Variants in NT5DC3 observed in about 807,000 individuals in gnomAD.
NT5DC3 encodes the protein 5'-nucleotidase domain containing 3.
Under a neutral mutation model 67.8 loss-of-function variants are expected in NT5DC3, and 42 were observed. That is an observed-to-expected ratio of 0.62 (90% CI 0.48 to 0.80). The LOEUF is 0.80. Among genes scored for constraint, NT5DC3 ranks in the 30% least tolerant of loss-of-function variants. NT5DC3 has a pLI of 0.00. For missense variants in NT5DC3, 570 were observed against 696.4 expected, an observed-to-expected ratio of 0.82 and a Z score of 2.04; for synonymous variants, 237 against 255.6, an observed-to-expected ratio of 0.93 and a Z score of 0.69.
chr12:103,779,585 G>A (rs1372368850), intron 13 of NT5DC3, among the ~76,000 whole-genome samples: 5 of 151,990 alleles, frequency 3.3e-5, no homozygotes, highest in African/African-American at 4.8e-5. Flanking sequence ...ACCCACCCAC[G>A]CACACCACCA....
rs1255672467 is a variant in NT5DC3 at position 103,775,038 on chromosome 12, C to T, written c.*2791G>A. On this transcript the variant is annotated 3_prime_UTR_variant, in exon 14 of 14. Transcript: ENST00000392876. ...AAAAAAAAAAAAAAAGTCATGACAG[C>T]GACAAGTTAAAATCTGTCCTGACTG... 1 of 150,318 alleles carries T rather than the reference C, an allele frequency of 6.7e-6. No individual in the cohort carries two copies. The highest frequency in any genetic ancestry group is 2.4e-5 in the African/African-American group (1 of 40,902). 9.3% of individuals were successfully genotyped at this position (150,318 alleles called of 1,614,324 possible). A position where few individuals can be genotyped will look rare whatever the true frequency, so the allele number is the denominator to read the frequency against.
intron 1 of NT5DC3, among the ~76,000 whole-genome samples, chr12:103,827,183 T>A (rs1260924099): frequency 1.3e-5 from 2 of 152,188 alleles, no homozygotes; most frequent in Non-Finnish European, 2.9e-5. Context: ...AGATGGAGGT[T>A]ACAGTGAGCT....
chr12:103,791,406 G>C (rs1886054985), intron 9 of NT5DC3, among the ~76,000 whole-genome samples: 1 of 152,046 alleles, frequency 6.6e-6, no homozygotes, highest in Admixed American at 6.5e-5. Context: ...TCTAGGACAG[G>C]AGTGCCTTTG....
At chr12:103,821,409 T>C (rs1439039181) in intron 1 of NT5DC3, among the ~76,000 whole-genome samples, 5 of 152,190 alleles carry the variant, frequency 3.3e-5, no homozygotes, top group Non-Finnish European at 7.3e-5. Context: ...AAGGAGGGCA[T>C]GTAACCCAGG....
At chr12:103,830,285 T>G in intron 1 of NT5DC3, among the ~76,000 whole-genome samples, 1 of 152,268 alleles carries the variant, frequency 6.6e-6, no homozygotes, top group East Asian at 1.9e-4. Context: ...CTCCATGGTC[T>G]ATACTATTAA....
chr12:103,766,093 C>T (rs1209002741), downstream of NT5DC3: 7 of 734,708 alleles, frequency 9.5e-6, no homozygotes, highest in Middle Eastern at 2.3e-4. Context: ...GCAGGAGAGA[C>T]TAAAACAGGT....
chr12:103,755,361 A>G, the NT5DC3 span: 1 of 1,614,148 alleles, frequency 6.2e-7, no homozygotes. Context: ...CCTACCCCAC[A>G]GCCTTCGCCT....
At chr12:103,757,020 T>A in the NT5DC3 span, among the ~76,000 whole-genome samples, 7 of 128,874 alleles carry the variant, frequency 5.4e-5, no homozygotes, top group African/African-American at 1.1e-4. Flanking sequence ...TATATATATA[T>A]ATATATATAT....
intron 4 of NT5DC3, among the ~76,000 whole-genome samples, chr12:103,802,676 A>G (rs1490666994): frequency 6.6e-6 from 1 of 152,142 alleles, no homozygotes; most frequent in Non-Finnish European, 1.5e-5. Flanking sequence ...GAGTTCTGAC[A>G]ATAGCAATTT....
chr12:103,763,046 C>A, the NT5DC3 span, among the ~76,000 whole-genome samples: 1 of 152,238 alleles, frequency 6.6e-6, no homozygotes, highest in African/African-American at 2.4e-5. Context: ...AGTTTGCTGC[C>A]TTCTGGCAGA....
chr12:103,788,697 C>T, intron 10 of NT5DC3, 141 bp downstream of exon 10: 1 of 626,424 alleles, frequency 1.6e-6, no homozygotes, highest in South Asian at 2.3e-5. Flanking sequence ...CTAAGTTTAC[C>T]ACCAAGTTAT....
chr12:103,793,338 T>C (rs1886151154), intron 8 of NT5DC3, 72 bp downstream of exon 8: 1 of 1,565,644 alleles, frequency 6.4e-7, no homozygotes, highest in African/African-American at 1.3e-5. Flanking sequence ...TTCTTTCCAA[T>C]TTCCAGCTGC....
chr12:103,830,525 A>G (rs1383202501), intron 1 of NT5DC3, among the ~76,000 whole-genome samples: 1 of 152,134 alleles, frequency 6.6e-6, no homozygotes, highest in Non-Finnish European at 1.5e-5. Flanking sequence ...TTGACCTCTC[A>G]CGCTATCAGT....
the NT5DC3 span, chr12:103,762,372 C>A: frequency 8.2e-5 from 133 of 1,614,086 alleles, no homozygotes; most frequent in Admixed American, 2.0e-4. Context: ...TTCGGATAAA[C>A]CGGAGAACAA....
At chr12:103,786,632 A>G (rs1290386764) in intron 11 of NT5DC3, among the ~76,000 whole-genome samples, 2 of 151,316 alleles carry the variant, frequency 1.3e-5, no homozygotes, top group African/African-American at 2.4e-5. Context: ...CCTAAGTCCT[A>G]TGCAAGAGTC....
intron 13 of NT5DC3, among the ~76,000 whole-genome samples, chr12:103,779,882 A>T (rs1424628918): frequency 6.6e-5 from 10 of 152,180 alleles, no homozygotes; most frequent in African/African-American, 2.2e-4. Flanking sequence ...TGTGGTTACA[A>T]ATAAGCACCA....
intron 4 of NT5DC3, among the ~76,000 whole-genome samples, chr12:103,803,859 A>ACCCCCC (rs10652483): frequency 1.4e-5 from 2 of 139,650 alleles, no homozygotes; most frequent in Admixed American, 7.3e-5. Flanking sequence ...ATTCATTACC[A>ACCCCCC]CCCCCCCCCC....
At chr12:103,838,068 T>C (rs1888226159) in intron 1 of NT5DC3, among the ~76,000 whole-genome samples, 1 of 152,160 alleles carries the variant, frequency 6.6e-6, no homozygotes. Context: ...GAAAAGCACT[T>C]CTTACATGGC....
At chr12:103,790,694 C>CTTTTT (rs67812943) in intron 9 of NT5DC3, among the ~76,000 whole-genome samples, 12 of 74,420 alleles carry the variant, frequency 1.6e-4, no homozygotes, top group Admixed American at 1.8e-4. Flanking sequence ...CCAAGTACAT[C>CTTTTT]TTTTTTTTTT....
Sources: allele counts gnomAD v4.1 joint callset (sites outside exome capture counted in the v4.1 genomes callset), GRCh38; gene constraint gnomAD v4.1.1; transcripts MANE v1.5; gene names NCBI Gene and HGNC (gene_info 2026-07-23, HGNC 2026-07-21).